The following FAM217A variants were observed in gnomAD, a reference collection of about 807,000 sequenced individuals.
FAM217A encodes family with sequence similarity 217 member A, also known as protein FAM217A.
FAM217A carries 13 observed loss-of-function variants against 18.5 expected under a neutral mutation model. The ratio of observed to expected loss-of-function variants is 0.70; its 90% CI spans 0.46 to 1.12. The LOEUF is 1.12. FAM217A is among the 50% of genes most tolerant of loss of function. FAM217A has a pLI of 0.00. For missense variants in FAM217A, 560 were observed against 575.4 expected, an observed-to-expected ratio of 0.97 and a Z score of 0.27; for synonymous variants, 161 against 202.8, an observed-to-expected ratio of 0.79 and a Z score of 1.75.
chr6:4,068,768 A>G lies in FAM217A; in HGVS notation c.1455T>C (p.Ile485=). The G allele has an allele frequency of 6.2e-7, 1 of 1,613,988 alleles. No individual in the cohort carries two copies. The highest frequency in any genetic ancestry group is 8.5e-7 in the Non-Finnish European group (1 of 1,179,950). Residue 485 remains isoleucine (I), a synonymous_variant, in exon 7 of 7, where the codon ATT becomes ATC. Transcript: ENST00000274673. ...QNIVLNRPFS[I]QKLNCLSPSL... ...AAGGCGACAAACAGTTTAGCTTCTG[A>G]ATAGAGAATGGTCTATTCAACACTA...
chr6:4,068,802 C>T lies in FAM217A; in HGVS notation c.1421G>A (p.Arg474Gln), dbSNP rs754475677. 6 of 1,614,100 alleles carry T rather than the reference C, an allele frequency of 3.7e-6. No individual in the cohort carries two copies. Among genetic ancestry groups the T allele is most frequent in the South Asian group, 1.1e-5 (1 of 91,062 alleles). The change falls in exon 7 of 7, where the codon CGA becomes CAA. Residue 474 changes from arginine (R) to glutamine (Q), a missense_variant. Transcript: ENST00000274673. The part of the protein sequence containing the change: ...RNFGTKKKLY[R>Q]QNIVLNRPFS... ...TGGTCTATTCAACACTATATTTTGT[C>T]GGTAAAGTTTCTTTTTGGTCCCAAA...
chr6:4,084,495 C>T, intron 2 of FAM217A: 2 of 663,104 alleles, frequency 3.0e-6, no homozygotes, highest in Non-Finnish European at 5.4e-6. Context: ...TTTCAGATGC[C>T]TATACTCTGT....
At position 4,078,946 on chromosome 6, in the gene FAM217A, G is replaced by A. The variant is rs1483565124; in HGVS notation, c.-129C>T. ...GCGTGCGTGGCTGACGGCTTGGAGG[G>A]CGCCCCCTCTGCCGCGGCCTTCCTG... On this transcript the variant is annotated 5_prime_UTR_variant, in exon 1 of 7. Coordinates refer to ENST00000274673, the MANE Select transcript of FAM217A (RefSeq NM_173563.3). 3.6e-6 allele frequency: 2 copies of A among 556,670 alleles called. No homozygotes were observed. The highest frequency in any genetic ancestry group is 6.4e-6 in the Non-Finnish European group (2 of 313,882). The allele number at this position is 556,670 out of a possible 1,614,324, so 34.5% of individuals were successfully genotyped here.
chr6:4,080,512 C>T (rs11759470), upstream of FAM217A, among the ~76,000 whole-genome samples: 10,001 of 152,240 alleles, frequency 0.066, 383 homozygotes, highest in African/African-American at 0.083. Flanking sequence ...TGTAAGTGAA[C>T]GAACAAGATT....
At position 4,068,698 on chromosome 6, in the gene FAM217A, A is replaced by G. The variant is rs139841919; in HGVS notation, c.1525T>C (p.Ter509GlnextTer31). ...DKCCSPIEQK[*>Q] ...TTGAGATGTATGAAAGAAAAGAGTTATTTTTGTTCAATGGGTGAGCAGCAC... is the reference window on the plus strand; with the variant it reads ...TTGAGATGTATGAAAGAAAAGAGTTGTTTTTGTTCAATGGGTGAGCAGCAC... Residue 509 changes from the stop codon to glutamine (Q), a stop_lost, in exon 7 of 7, where the codon TAA (stop) becomes CAA (glutamine). Coordinates refer to ENST00000274673, the MANE Select transcript of FAM217A (RefSeq NM_173563.3). 1.7e-4 allele frequency: 274 copies of G among 1,589,636 alleles called. 1 individual carries two copies. In the African/African-American group the frequency reaches 3.4e-3, roughly 20 times the overall value.
upstream of FAM217A, among the ~76,000 whole-genome samples, chr6:4,081,080 A>G (rs1171457687): frequency 6.6e-6 from 1 of 152,162 alleles, no homozygotes; most frequent in Non-Finnish European, 1.5e-5. Flanking sequence ...CCCATATTCT[A>G]TCTAACAGAG....
In FAM217A at chr6:4,069,428, G is replaced by A. The variant is rs775791456; in HGVS notation, c.795C>T (p.Ala265=). Residue 265 remains alanine, a synonymous_variant, in exon 7 of 7, where the codon GCC becomes GCT. Transcript: ENST00000274673. ...CTTTCCAATTGTCAGATTTGGAGAGGGCTAAATTGTGCAAGTCTAGAGCAC... is the reference window on the plus strand; with the variant it reads ...CTTTCCAATTGTCAGATTTGGAGAGAGCTAAATTGTGCAAGTCTAGAGCAC... ...PFSALDLHNL[A]LSKSDNWKVT... The A allele has an allele frequency of 1.2e-6, 2 of 1,614,130 alleles. No individual in the cohort carries two copies. The highest frequency in any genetic ancestry group is 1.7e-6 in the Non-Finnish European group (2 of 1,180,030).
intron 6 of FAM217A, among the ~76,000 whole-genome samples, chr6:4,070,839 A>C (rs751329624): frequency 3.3e-5 from 5 of 152,068 alleles, no homozygotes; most frequent in Non-Finnish European, 5.9e-5. Context: ...ATTCTTGTCT[A>C]CAAAAAATTA....
upstream of FAM217A, among the ~76,000 whole-genome samples, chr6:4,080,568 AG>A (rs67070155): frequency 0.25 from 38,514 of 151,912 alleles, 5,682 homozygotes; most frequent in African/African-American, 0.4. Context: ...TTTCCCTTCT[AG>A]GGCCCTCTCT....
rs1001297939 is a variant in FAM217A, at chr6:4,076,411, G to A, written c.60+944C>T. Reference sequence around the variant, plus strand: ...AAGATCCTTTTGTAGTTCACAGCACGATGACTGGGTTTTTATGTTCATGTG... The same window carrying A: ...AAGATCCTTTTGTAGTTCACAGCACAATGACTGGGTTTTTATGTTCATGTG... On this transcript the variant is annotated intron_variant, in intron 2 of 6. Coordinates refer to ENST00000274673, the MANE Select transcript of FAM217A (RefSeq NM_173563.3). 1.3e-4 allele frequency among the ~76,000 whole-genome samples: 20 copies of A among 151,898 alleles called. 1 individual carries two copies. The highest frequency in any genetic ancestry group is 4.8e-4 in the African/African-American group (20 of 41,448).
chr6:4,076,323 C>T (rs1427229856), intron 2 of FAM217A, among the ~76,000 whole-genome samples: 3 of 139,206 alleles, frequency 2.2e-5, no homozygotes, highest in East Asian at 2.0e-4. Context: ...AGTGAGACTC[C>T]GTCTCAAAAA....
At chr6:4,070,030 A>G in intron 6 of FAM217A, 110 bp from the exon 7 acceptor site, 2 of 786,962 alleles carry the variant, frequency 2.5e-6, no homozygotes, top group Non-Finnish European at 3.8e-6. Flanking sequence ...TTTAGTTCCC[A>G]ATGGCATATG....
At chr6:4,078,555 C>T (rs1224672903) in intron 1 of FAM217A, among the ~76,000 whole-genome samples, 4 of 152,128 alleles carry the variant, frequency 2.6e-5, no homozygotes, top group Non-Finnish European at 5.9e-5. Context: ...GAGCAGGTGG[C>T]GCTGCCTGGG....
intron 1 of FAM217A, among the ~76,000 whole-genome samples, chr6:4,086,402 C>T (rs1322674766): frequency 6.9e-6 from 1 of 145,358 alleles, no homozygotes; most frequent in Non-Finnish European, 1.5e-5. Context: ...GCCGAGATCA[C>T]GCCATTACAC....
At chr6:4,076,682 C>A (rs1322631418) in intron 2 of FAM217A, among the ~76,000 whole-genome samples, 2 of 152,058 alleles carry the variant, frequency 1.3e-5, no homozygotes, top group African/African-American at 4.8e-5. Context: ...AGTTCAAGAC[C>A]AGCCTGGCCA....
At chr6:4,082,366 C>T (rs1415632342), upstream of FAM217A, among the ~76,000 whole-genome samples, 1 of 152,198 alleles carries the variant, frequency 6.6e-6, no homozygotes, top group Admixed American at 6.5e-5. Flanking sequence ...CTCAGAAACA[C>T]GTTTTTCTCT....
rs568111495 is a variant in FAM217A, at chr6:4,069,346, G to A, written c.877C>T (p.Leu293=). 2 of 1,614,090 alleles carry A rather than the reference G, an allele frequency of 1.2e-6. No homozygotes were observed. Among genetic ancestry groups the A allele is most frequent in the African/African-American group, 2.7e-5 (2 of 75,028 alleles). The change falls in exon 7 of 7, where the codon CTA becomes TTA. Residue 293 remains leucine, a synonymous_variant. Coordinates refer to ENST00000274673, the MANE Select transcript of FAM217A (RefSeq NM_173563.3). ...ATAGTCATATGTTGTAATCGTTCTA[G>A]TTCCAGTAAACGAGTTATCAAGTGT... The part of the protein sequence containing the change: ...VEHLITRLLE[L]ERLQHMTIQK...
chr6:4,075,686 TTC>T (rs974903931), intron 2 of FAM217A, among the ~76,000 whole-genome samples: 4 of 152,152 alleles, frequency 2.6e-5, no homozygotes, highest in Admixed American at 6.5e-5. Flanking sequence ...CCCAATTGTT[TTC>T]TGTCTCAAAA....
intron 6 of FAM217A, among the ~76,000 whole-genome samples, chr6:4,070,893 G>A (rs1368027486): frequency 6.6e-6 from 1 of 152,052 alleles, no homozygotes; most frequent in African/African-American, 2.4e-5. Context: ...CTCCTCTGGA[G>A]GCTGAGTTGG....
Sources: gnomAD v4.1 joint callset for allele counts (sites outside exome capture counted in the v4.1 genomes callset) on GRCh38, gnomAD v4.1.1 for gene constraint, MANE v1.5 for transcripts, NCBI Gene and HGNC (gene_info 2026-07-23, HGNC 2026-07-21) for gene names.